SDCCAG8: variants seen among roughly 807,000 people sequenced by gnomAD.
The protein encoded by SDCCAG8 is SHH signaling and ciliogenesis regulator SDCCAG8.
Under a neutral mutation model 101.8 loss-of-function variants are expected in SDCCAG8, and 74 were observed. The observed-to-expected ratio is 0.73, with a 90% CI of 0.60 to 0.88. SDCCAG8 has a LOEUF of 0.88. SDCCAG8 is among the 40% of genes least tolerant of loss of function. The pLI is 0.00. For synonymous variants in SDCCAG8, 281 were observed against 292.9 expected (o/e 0.96, Z 0.41); for missense variants, 787 against 822.6 (o/e 0.96, Z 0.53).
intron 12 of SDCCAG8, among the ~76,000 whole-genome samples, chr1:243,370,409 C>A (rs969654422): frequency 9.9e-5 from 15 of 151,720 alleles, no homozygotes; most frequent in Middle Eastern, 3.2e-3. Context: ...AATTTTTTTT[C>A]CATTTTTAGC....
In SDCCAG8 at chr1:243,256,094, C is replaced by A; in HGVS notation, c.-80C>A. Reference sequence around the variant, plus strand: ...CAGGAAGCAGGCGGGCGCTCCCCGGCCACAGGCCTGTTGTTCTCGGAAGGG... The same window carrying A: ...CAGGAAGCAGGCGGGCGCTCCCCGGACACAGGCCTGTTGTTCTCGGAAGGG... On this transcript the variant is annotated 5_prime_UTR_variant, in exon 1 of 18. Transcript: ENST00000366541. 7.2e-7 allele frequency: 1 copy of A among 1,387,942 alleles called. No individual in the cohort carries two copies. The highest frequency in any genetic ancestry group is 1.0e-6 in the Non-Finnish European group (1 of 974,040). 86.0% of individuals were successfully genotyped at this position (1,387,942 alleles called of 1,614,324 possible).
chr1:243,411,967 T>C (rs571209087), intron 13 of SDCCAG8, among the ~76,000 whole-genome samples: 3 of 152,308 alleles, frequency 2.0e-5, no homozygotes, highest in Non-Finnish European at 4.4e-5. Flanking sequence ...GGCTTGACCA[T>C]CCTTCACCAG....
In SDCCAG8 at chr1:243,318,101, A is replaced by G. The variant is rs117803241; in HGVS notation, c.1068+1208A>G. The G allele has an allele frequency of 4.2e-4, 190 of 456,594 alleles. No individual in the cohort carries two copies. In the East Asian group the frequency reaches 7.6e-3, roughly 18 times the overall value. The allele number at this position is 456,594 out of a possible 1,614,324, so 28.3% of individuals were successfully genotyped here. A position where few individuals can be genotyped will look rare whatever the true frequency, so the allele number is the denominator to read the frequency against. On this transcript the variant is annotated intron_variant, in intron 9 of 17. Coordinates refer to ENST00000366541, the MANE Select transcript of SDCCAG8 (RefSeq NM_006642.5). ...GAATCAACCGAAATTGACGGAATCA[A>G]TCTAAATGTTCATCACTGACAGATT...
chr1:243,375,798 T>C (rs1244533763), intron 12 of SDCCAG8, among the ~76,000 whole-genome samples: 2 of 152,188 alleles, frequency 1.3e-5, no homozygotes, highest in East Asian at 3.9e-4. Flanking sequence ...CAAAGGGTTA[T>C]CCTGCCAGTG....
chr1:243,413,930 T>A (rs2080376314), intron 13 of SDCCAG8, among the ~76,000 whole-genome samples: 1 of 152,148 alleles, frequency 6.6e-6, no homozygotes, highest in Non-Finnish European at 1.5e-5. Flanking sequence ...TTAAGCAGAT[T>A]CTCCAGCTAC....
rs751935983 is a variant in SDCCAG8 at position 243,380,681 on chromosome 1, GC to G, written c.1616+1819del. Among the ~76,000 whole-genome samples, 197 of 151,646 alleles carry G rather than the reference GC, an allele frequency of 1.3e-3. 1 individual carries two copies. The highest frequency in any genetic ancestry group is 2.4e-3 in the Non-Finnish European group (160 of 67,858). ...ACGGTTTTGCTTGGTTCCATAGAAA[GC>G]TTTTTTTTTTTGTTGAGCTTTATTT... On this transcript the variant is annotated intron_variant, in intron 13 of 17. Transcript: ENST00000366541.
chr1:243,371,022 C>T (rs1273196274), intron 12 of SDCCAG8, among the ~76,000 whole-genome samples: 1 of 152,108 alleles, frequency 6.6e-6, no homozygotes, highest in East Asian at 1.9e-4. Context: ...ATCCAAACCT[C>T]AGGACGTCTT....
At chr1:243,306,084 T>TATCTA (rs2072084036) in intron 7 of SDCCAG8, 1 of 108,242 alleles carries the variant, frequency 9.2e-6, no homozygotes, top group Non-Finnish European at 1.8e-5. Flanking sequence ...AGACTCCATC[T>TATCTA]AAAAAAAAAA....
At chr1:243,314,261 G>A (rs1308574987) in intron 8 of SDCCAG8, among the ~76,000 whole-genome samples, 3 of 152,184 alleles carry the variant, frequency 2.0e-5, no homozygotes, top group African/African-American at 7.2e-5. Flanking sequence ...GAGTTTGAGT[G>A]TAATCGTTTT....
chr1:243,265,587 T>C (rs1484172079), intron 1 of SDCCAG8, among the ~76,000 whole-genome samples: 1 of 152,156 alleles, frequency 6.6e-6, no homozygotes, highest in Non-Finnish European at 1.5e-5. Flanking sequence ...CCAAGGTGGG[T>C]GGATCACCTG....
intron 9 of SDCCAG8, among the ~76,000 whole-genome samples, chr1:243,325,261 C>T (rs557397034): frequency 1.6e-4 from 24 of 152,226 alleles, no homozygotes; most frequent in Non-Finnish European, 3.4e-4. Flanking sequence ...GAGCAAGCAA[C>T]ACTATTGTTC....
At chr1:243,303,964 T>C (rs1208126460) in intron 6 of SDCCAG8, among the ~76,000 whole-genome samples, 2 of 152,094 alleles carry the variant, frequency 1.3e-5, no homozygotes, top group Admixed American at 6.6e-5. Context: ...TCCCAGCTAC[T>C]TGGGTGGCTG....
At chr1:243,337,952 A>G (rs1203497700) in intron 10 of SDCCAG8, among the ~76,000 whole-genome samples, 1 of 152,154 alleles carries the variant, frequency 6.6e-6, no homozygotes, top group Non-Finnish European at 1.5e-5. Context: ...ACAGGGTCTC[A>G]CTGTGTCACA....
Position 243,438,171 on chromosome 1 carries a change from G to C in SDCCAG8, c.1985+11613G>C, listed in dbSNP as rs551984435. On this transcript the variant is annotated intron_variant, in intron 16 of 17. Coordinates refer to ENST00000366541, the MANE Select transcript of SDCCAG8 (RefSeq NM_006642.5). ...CCTTCAATCTTTCCTGTGCGCATCCGGGGGGAGGAAGGCTGTGGAAAAGTG... is the reference window on the plus strand; with the variant it reads ...CCTTCAATCTTTCCTGTGCGCATCCCGGGGGAGGAAGGCTGTGGAAAAGTG... 2.3e-3 allele frequency among the ~76,000 whole-genome samples: 357 copies of C among 152,244 alleles called. 3 individuals carry two copies. The highest frequency in any genetic ancestry group is 0.01 in the Middle Eastern group (3 of 294).
intron 3 of SDCCAG8, 65 bp downstream of exon 3, chr1:243,271,128 A>T: frequency 8.4e-7 from 1 of 1,183,680 alleles, no homozygotes; most frequent in Non-Finnish European, 1.3e-6. Context: ...GTTATTTTGT[A>T]GTACATGTTG....
chr1:243,433,069 C>T (rs12118439), intron 16 of SDCCAG8, among the ~76,000 whole-genome samples: 25,103 of 151,966 alleles, frequency 0.17, 2,240 homozygotes, highest in African/African-American at 0.21. Flanking sequence ...GGGTCACCTC[C>T]TCCGTTGCCA....
intron 1 of SDCCAG8, chr1:243,267,162 G>C (rs1168459600): frequency 1.3e-5 from 2 of 156,534 alleles, no homozygotes; most frequent in African/African-American, 2.4e-5. Flanking sequence ...AGAATGGCGT[G>C]AACCTGAGAG....
chr1:243,423,662 A>C (rs1183539577), intron 15 of SDCCAG8, among the ~76,000 whole-genome samples: 1 of 152,120 alleles, frequency 6.6e-6, no homozygotes, highest in Non-Finnish European at 1.5e-5. Flanking sequence ...GATGTGTTTT[A>C]CCTTGCTGAA....
intron 6 of SDCCAG8, among the ~76,000 whole-genome samples, chr1:243,294,620 A>C (rs1313835819): frequency 2.0e-5 from 3 of 149,512 alleles, no homozygotes; most frequent in African/African-American, 7.4e-5. Context: ...GGGATCAGCC[A>C]TAGGTGAAAG....
Sources: gnomAD v4.1 joint callset for allele counts (sites outside exome capture counted in the v4.1 genomes callset) on GRCh38, gnomAD v4.1.1 for gene constraint, MANE v1.5 for transcripts, NCBI Gene and HGNC (gene_info 2026-07-23, HGNC 2026-07-21) for gene names.